The following NDUFB5 variants were observed in gnomAD, a reference collection of about 807,000 sequenced individuals.
NDUFB5 encodes NADH:ubiquinone oxidoreductase subunit B5, also known as NADH dehydrogenase [ubiquinone] 1 beta subcomplex subunit 5, mitochondrial.
A neutral mutation model predicts 19.4 loss-of-function variants in NDUFB5; 19 were observed. That is an observed-to-expected ratio of 0.98 (90% CI 0.68 to 1.43). The LOEUF (loss-of-function observed/expected upper bound fraction) is 1.43, where lower values mean the gene tolerates loss of function less well. Among genes scored for constraint, NDUFB5 ranks in the 40% most tolerant of loss-of-function variants. The probability of loss-of-function intolerance (pLI) is 0.00; values close to 1 mark genes in which losing one functional copy is unlikely to be tolerated. For missense variants in NDUFB5, 233 were observed against 236.5 expected, an observed-to-expected ratio of 0.99 and a Z score of 0.10; for synonymous variants, 80 against 82.6, an observed-to-expected ratio of 0.97 and a Z score of 0.17.
At chr3:179,611,242 A>C (rs1414785750) in intron 1 of NDUFB5, among the ~76,000 whole-genome samples, 1 of 152,336 alleles carries the variant, frequency 6.6e-6, no homozygotes, top group East Asian at 1.9e-4. Context: ...AAAGTAAAGA[A>C]GGCATGGAAT....
chr3:179,618,670 T>TG (rs1719447673), intron 5 of NDUFB5, 149 bp downstream of exon 5: 2 of 595,772 alleles, frequency 3.4e-6, no homozygotes, highest in Non-Finnish European at 5.8e-6. Flanking sequence ...GGCTCACACC[T>TG]GTAATCCCAG....
intron 1 of NDUFB5, among the ~76,000 whole-genome samples, chr3:179,610,636 T>G (rs1489059818): frequency 6.6e-6 from 1 of 152,240 alleles, no homozygotes; most frequent in East Asian, 1.9e-4. Flanking sequence ...TTCTACAAAT[T>G]CCTATAGCCT....
intron 3 of NDUFB5, among the ~76,000 whole-genome samples, chr3:179,616,543 C>A (rs926054451): frequency 1.3e-5 from 2 of 151,512 alleles, no homozygotes; most frequent in Admixed American, 6.6e-5. Flanking sequence ...CTCTGTCCCC[C>A]CCCCAAAAAA....
intron 1 of NDUFB5, chr3:179,607,733 A>G (rs1719140911): frequency 1.4e-6 from 1 of 701,956 alleles, no homozygotes; most frequent in Admixed American, 2.0e-5. Flanking sequence ...GTTAAACAAT[A>G]ACTCTCCATT....
rs1379850235 is a variant in NDUFB5, at chr3:179,625,426, CTT to C, written c.*1388_*1389del. The C allele has an allele frequency of 6.6e-6, 1 of 152,012 alleles. No individual in the cohort carries two copies. Among genetic ancestry groups the C allele is most frequent in the Non-Finnish European group, 1.5e-5 (1 of 67,994 alleles). The allele number at this position is 152,012 out of a possible 1,614,324, so 9.4% of individuals were successfully genotyped here. On this transcript the variant is annotated 3_prime_UTR_variant, in exon 6 of 6. Transcript: ENST00000259037. ...CACAGGCCATTCATTCAACAAATAA[CTT>C]TATTATTTTTATTGATAATGTACTT...
intron 1 of NDUFB5, among the ~76,000 whole-genome samples, chr3:179,614,506 T>C (rs767179644): frequency 2.6e-5 from 4 of 152,206 alleles, no homozygotes; most frequent in Admixed American, 6.5e-5. Context: ...TGTATTTCTT[T>C]TGCAGCATTA....
Position 179,624,459 on chromosome 3 carries a change from T to A in NDUFB5, c.*419T>A, listed in dbSNP as rs1361324165. The A allele has an allele frequency of 6.5e-6, 1 of 153,834 alleles. No homozygotes were observed. Among genetic ancestry groups the A allele is most frequent in the Non-Finnish European group, 1.4e-5 (1 of 69,386 alleles). 9.5% of individuals were successfully genotyped at this position (153,834 alleles called of 1,614,324 possible). A position where few individuals can be genotyped will look rare whatever the true frequency, so the allele number is the denominator to read the frequency against. ...ATTGAACCAACTCTAAAATGTTAAC[T>A]CCTTAATAAACAGATTCTCAGTAAA... On this transcript the variant is annotated 3_prime_UTR_variant, in exon 6 of 6. Coordinates refer to ENST00000259037, the MANE Select transcript of NDUFB5 (RefSeq NM_002492.4).
At chr3:179,622,260 G>A (rs544690761) in intron 5 of NDUFB5, among the ~76,000 whole-genome samples, 6 of 152,280 alleles carry the variant, frequency 3.9e-5, no homozygotes, top group African/African-American at 1.4e-4. Context: ...CCATAGTGCT[G>A]GGATTACAGG....
chr3:179,616,771 C>G (rs942975945), intron 3 of NDUFB5, among the ~76,000 whole-genome samples: 7 of 151,978 alleles, frequency 4.6e-5, no homozygotes, highest in Admixed American at 6.6e-5. Context: ...ATAAATAATG[C>G]CTTACACAGA....
rs567810115 is a variant in NDUFB5 at position 179,611,498 on chromosome 3, C to T, written c.125-3473C>T. On this transcript the variant is annotated intron_variant, in intron 1 of 5. Transcript: ENST00000259037. ...CGCGATCTTGGTTCACCACAGTCTC[C>T]GCCTCCTGGATTCAAGCGATTCTCT... 1.2e-4 allele frequency among the ~76,000 whole-genome samples: 18 copies of T among 152,074 alleles called. No individual in the cohort carries two copies. In the South Asian group the frequency reaches 1.5e-3, roughly 12 times the overall value.
intron 1 of NDUFB5, among the ~76,000 whole-genome samples, chr3:179,606,860 T>C (rs1301461714): frequency 6.6e-6 from 1 of 152,238 alleles, no homozygotes; most frequent in African/African-American, 2.4e-5. Context: ...GCAATATACA[T>C]AGGGATTTGC....
Position 179,624,572 on chromosome 3 carries a change from T to TACATACACACAC in NDUFB5, c.*535_*536insTACACACACACA, listed in dbSNP as rs1553782471. On this transcript the variant is annotated 3_prime_UTR_variant, in exon 6 of 6. Transcript: ENST00000259037. Reference sequence around the variant, plus strand: ...AACTACACACAGACACACAGACACGTACACACACACACACACACACACACA... The same window carrying TACATACACACAC: ...AACTACACACAGACACACAGACACGTACATACACACACACACACACACACACACACACACACA... The TACATACACACAC allele has an allele frequency of 2.9e-4, 37 of 128,400 alleles. 2 individuals are homozygous for TACATACACACAC. Among genetic ancestry groups the TACATACACACAC allele is most frequent in the African/African-American group, 1.2e-3 (37 of 31,594 alleles). The allele number at this position is 128,400 out of a possible 1,614,324, so 8.0% of individuals were successfully genotyped here.
rs1719651627 is a variant in NDUFB5, at chr3:179,625,641, C to A, written c.*1601C>A. The A allele has an allele frequency of 6.6e-6, 1 of 151,950 alleles. No individual in the cohort carries two copies. Among genetic ancestry groups the A allele is most frequent in the African/African-American group, 2.4e-5 (1 of 41,342 alleles). The allele number at this position is 151,950 out of a possible 1,614,324, so 9.4% of individuals were successfully genotyped here. ...CCTACTGTACTATCAAATACTAGAA[C>A]TTATTCCTTGTATCTAAATGTATTC... On this transcript the variant is annotated 3_prime_UTR_variant, in exon 6 of 6. Transcript: ENST00000259037.
rs1415405702 is a variant in NDUFB5, at chr3:179,605,164, C to T, written c.124+225C>T. On this transcript the variant is annotated intron_variant, in intron 1 of 5. Transcript: ENST00000259037. ...TTTCTAAAACGTTGTTATTCACCAT[C>T]CCAATTAATGCTAATTTGCGGATGA... Among the ~76,000 whole-genome samples the T allele has an allele frequency of 2.0e-5, 3 of 152,202 alleles. No homozygotes were observed. In the East Asian group the frequency reaches 5.8e-4, roughly 29 times the overall value.
chr3:179,618,358 A>G, intron 4 of NDUFB5, 57 bp from the exon 5 acceptor site: 1 of 1,153,982 alleles, frequency 8.7e-7, no homozygotes, highest in Non-Finnish European at 1.3e-6. Flanking sequence ...ATAGTCAACT[A>G]GAAAAGCAAA....
At chr3:179,622,624 C>T (rs1301011842) in intron 5 of NDUFB5, among the ~76,000 whole-genome samples, 2 of 152,056 alleles carry the variant, frequency 1.3e-5, no homozygotes, top group African/African-American at 2.4e-5. Context: ...ACCAGTTAGT[C>T]TCATGTTGAT....
intron 1 of NDUFB5, among the ~76,000 whole-genome samples, chr3:179,607,018 A>G (rs1030902261): frequency 2.6e-5 from 4 of 152,214 alleles, no homozygotes; most frequent in Non-Finnish European, 5.9e-5. Context: ...CAAATCCTTC[A>G]AATACTCGCT....
chr3:179,611,219 T>A (rs1399312200), intron 1 of NDUFB5, among the ~76,000 whole-genome samples: 1 of 152,186 alleles, frequency 6.6e-6, no homozygotes, highest in Non-Finnish European at 1.5e-5. Flanking sequence ...GGATGTTGAT[T>A]ACCTAGGTCA....
At chr3:179,616,160 T>C in intron 3 of NDUFB5, 111 bp downstream of exon 3, 1 of 769,568 alleles carries the variant, frequency 1.3e-6, no homozygotes, top group Non-Finnish European at 2.1e-6. Flanking sequence ...GCTCTTTAAA[T>C]AATTAAGCAT....
Sources: gnomAD v4.1 joint callset for allele counts (sites outside exome capture counted in the v4.1 genomes callset) on GRCh38, gnomAD v4.1.1 for gene constraint, MANE v1.5 for transcripts, NCBI Gene and HGNC (gene_info 2026-07-23, HGNC 2026-07-21) for gene names.